MVK: variants seen among roughly 807,000 people sequenced by gnomAD.
MVK encodes mevalonate kinase, also known as LH receptor mRNA-binding protein.
MVK carries 34 observed loss-of-function variants against 43.2 expected under a neutral mutation model. The ratio of observed to expected loss-of-function variants is 0.79; its 90% confidence interval spans 0.60 to 1.05. The LOEUF (loss-of-function observed/expected upper bound fraction) is 1.05. Among genes scored for constraint, MVK ranks in the 50% least tolerant of loss-of-function variants. The probability of loss-of-function intolerance (pLI) is 0.00; values close to 1 mark genes in which losing one functional copy is unlikely to be tolerated. For synonymous variants in MVK, 190 were observed against 219.8 expected, an observed-to-expected ratio of 0.86 and a Z score of 1.20; for missense variants, 395 against 504.0, an observed-to-expected ratio of 0.78 and a Z score of 2.07.
Position 109,585,230 on chromosome 12 carries a change from C to T in MVK, c.528-792C>T, listed in dbSNP as rs886433925. ...TCCTGGGATTTGAATTCATAATGAT[C>T]GTGCTTTGGATCTACTTGCAGGGCC... On this transcript the variant is annotated intron_variant, in intron 5 of 10. Coordinates refer to ENST00000228510, the MANE Select transcript of MVK (RefSeq NM_000431.4). 7.2e-5 allele frequency among the ~76,000 whole-genome samples: 11 copies of T among 152,154 alleles called. No individual in the cohort carries two copies. In the South Asian group the frequency reaches 8.3e-4, roughly 11 times the overall value.
Position 109,590,841 on chromosome 12 carries a change from G to A in MVK, c.748G>A (p.Val250Ile), listed in dbSNP as rs104895339. ...CAATACCAGGGCCCTTGTGGCTGGC[G>A]TCAGAAACAGGCTGCTCAAGGTGAC... ...PRNTRALVAGVRNRLLKFPEI... is the reference protein window; with the variant it reads ...PRNTRALVAGIRNRLLKFPEI... Residue 250 changes from valine (V) to isoleucine (I), a missense_variant, in exon 8 of 11, where the codon GTC (valine) becomes ATC (isoleucine). Coordinates refer to ENST00000228510, the MANE Select transcript of MVK (RefSeq NM_000431.4). 1.3e-5 allele frequency: 21 copies of A among 1,614,046 alleles called. No homozygotes were observed. Among genetic ancestry groups the A allele is most frequent in the East Asian group, 4.5e-5 (2 of 44,896 alleles).
At position 109,595,713 on chromosome 12, in the gene MVK, G is replaced by T. The variant is rs1423246721; in HGVS notation, c.1039+532G>T. Reference sequence around the variant, plus strand: ...ACCTGACACCTACCTCTGCCCTCAGGCTCGCTCCTGGCCTACAGTAGGCAC... The same window carrying T: ...ACCTGACACCTACCTCTGCCCTCAGTCTCGCTCCTGGCCTACAGTAGGCAC... On this transcript the variant is annotated intron_variant, in intron 10 of 10. Transcript: ENST00000228510. This position sits in a 1 kb window ranked among gnomAD's most constrained non-coding sequence, Gnocchi z 5.9. Among the ~76,000 whole-genome samples, 2 of 152,122 alleles carry T rather than the reference G, an allele frequency of 1.3e-5. No homozygotes were observed. Among genetic ancestry groups the T allele is most frequent in the African/African-American group, 4.8e-5 (2 of 41,414 alleles).
intron 1 of MVK, among the ~76,000 whole-genome samples, chr12:109,574,288 G>A (rs1884817707): frequency 1.3e-5 from 2 of 152,196 alleles, no homozygotes; most frequent in Non-Finnish European, 2.9e-5. Flanking sequence ...GTTTTCTGCA[G>A]CCTTGTTTAT....
rs16940407 is a variant in MVK, at chr12:109,584,404, C to T, written c.528-1618C>T. On this transcript the variant is annotated intron_variant, in intron 5 of 10. Coordinates refer to ENST00000228510, the MANE Select transcript of MVK (RefSeq NM_000431.4). ...GGCCCCCAGGCGCTGTGACCCCAGA[C>T]GGCCTATTTTGAGGGGAGCACATCC... Among the ~76,000 whole-genome samples the T allele has an allele frequency of 6.2e-3, 949 of 152,308 alleles. 7 individuals carry two copies. Among genetic ancestry groups the T allele is most frequent in the African/African-American group, 0.022 (912 of 41,568 alleles).
At chr12:109,585,140 C>T (rs541972615) in intron 5 of MVK, among the ~76,000 whole-genome samples, 1 of 152,302 alleles carries the variant, frequency 6.6e-6, no homozygotes, top group South Asian at 2.1e-4. Flanking sequence ...GCAGTGAGGC[C>T]ACGTGCTTGG....
intron 4 of MVK, 73 bp from the exon 5 acceptor site, chr12:109,581,322 C>T: frequency 6.3e-7 from 1 of 1,598,128 alleles, no homozygotes; most frequent in Non-Finnish European, 8.6e-7. Context: ...AGGCCTGGGC[C>T]TGGCCCCTGG....
In MVK at chr12:109,580,921, C is replaced by T. The variant is rs533635367; in HGVS notation, c.372-474C>T. Among the ~76,000 whole-genome samples the T allele has an allele frequency of 2.0e-5, 3 of 151,954 alleles. No individual in the cohort carries two copies. The South Asian group carries it at 6.2e-4, about 32-fold the overall frequency. ...GAGGGAGGGAGGGCAGGCGGGGGTC[C>T]TAGAAGGGGAGCCAGGAGGGTCTTT... On this transcript the variant is annotated intron_variant, in intron 4 of 10. Coordinates refer to ENST00000228510, the MANE Select transcript of MVK (RefSeq NM_000431.4).
chr12:109,581,821 A>T (rs1885231182), intron 5 of MVK, among the ~76,000 whole-genome samples: 1 of 152,178 alleles, frequency 6.6e-6, no homozygotes, highest in Non-Finnish European at 1.5e-5. Context: ...GTTGGTTTCA[A>T]GCGCCCATGG....
rs1318060426 is a variant in MVK at position 109,596,701 on chromosome 12, C to T, written c.*124C>T. 2.0e-5 allele frequency: 27 copies of T among 1,380,058 alleles called. No individual in the cohort carries two copies. Among genetic ancestry groups the T allele is most frequent in the East Asian group, 2.5e-5 (1 of 40,216 alleles). 85.5% of individuals were successfully genotyped at this position (1,380,058 alleles called of 1,614,324 possible). On this transcript the variant is annotated 3_prime_UTR_variant, in exon 11 of 11. Coordinates refer to ENST00000228510, the MANE Select transcript of MVK (RefSeq NM_000431.4). ...CTGACACTGCTGGAGAGGCCCCAGC[C>T]GCTTGGCGATGCCAGCCAAGCTCTG...
chr12:109,573,725 G>T (rs1268294239), upstream of MVK: 3 of 578,292 alleles, frequency 5.2e-6, no homozygotes, highest in East Asian at 3.0e-5. Context: ...ATTGGTAAAG[G>T]TACTCCGGGC....
chr12:109,574,285 G>A (rs74630711), intron 1 of MVK, among the ~76,000 whole-genome samples: 1,819 of 152,262 alleles, frequency 0.012, 29 homozygotes, highest in African/African-American at 0.037. Context: ...GGTGTTTTCT[G>A]CAGCCTTGTT....
At position 109,596,513 on chromosome 12, in the gene MVK, G is replaced by A. The variant is rs104895340; in HGVS notation, c.1127G>A (p.Gly376Asp). 6.2e-7 allele frequency: 1 copy of A among 1,613,006 alleles called. No individual in the cohort carries two copies. The highest frequency in any genetic ancestry group is 8.5e-7 in the Non-Finnish European group (1 of 1,179,948). ...TTGGAAACCAGCATCGGTGCCCCCG[G>A]CGTCTCCATCCACTCAGCCACCTCC... ...DCLETSIGAP[G>D]VSIHSATSLD... Residue 376 changes from glycine (G) to aspartate (D), a missense_variant, in exon 11 of 11, where the codon GGC (glycine) becomes GAC (aspartate). Physicochemically the swap from Gly to Asp is moderately conservative, Grantham distance 94. Coordinates refer to ENST00000228510, the MANE Select transcript of MVK (RefSeq NM_000431.4).
chr12:109,591,340 C>T lies in MVK; in HGVS notation c.868C>T (p.Gln290Ter). Residue 290 changes from glutamine (Q) to a stop codon, truncating the protein, a stop_gained, in exon 9 of 11, where the codon CAG (glutamine) becomes TAG (stop). Coordinates refer to ENST00000228510, the MANE Select transcript of MVK (RefSeq NM_000431.4). LOFTEE classifies it high-confidence loss of function. ...GEMGEAPAPE[Q>*]YLVLEELIDM... ...GATGGGGGAAGCCCCAGCCCCGGAG[C>T]AGTACCTCGTGCTGGAAGTAAGAGC... The T allele has an allele frequency of 6.2e-7, 1 of 1,614,182 alleles. No individual in the cohort carries two copies. The highest frequency in any genetic ancestry group is 8.5e-7 in the Non-Finnish European group (1 of 1,180,014).
Position 109,581,494 on chromosome 12 carries a change from CCTGA to C in MVK, c.475_478del (p.Thr159CysfsTer9), listed in dbSNP as rs778082175. The C allele has an allele frequency of 6.2e-7, 1 of 1,614,216 alleles. No individual in the cohort carries two copies. The highest frequency in any genetic ancestry group is 1.1e-5 in the South Asian group (1 of 91,088). Reference sequence around the variant, plus strand: ...ACTCGGTGTGTCTGGCAGCAGCCCTCCTGACTGTGTGCGAGGAGATCCCAAACCC... The same window carrying C: ...ACTCGGTGTGTCTGGCAGCAGCCCTCCTGTGTGCGAGGAGATCCCAAACCC... On this transcript the variant is annotated frameshift_variant, in exon 5 of 11. Transcript: ENST00000228510. LOFTEE classifies it high-confidence loss of function.
At chr12:109,591,154 C>T (rs1242038877) in intron 8 of MVK, 87 bp from the exon 9 acceptor site, 4 of 1,294,292 alleles carry the variant, frequency 3.1e-6, no homozygotes, top group Non-Finnish European at 4.5e-6. Context: ...GTGTGAACAC[C>T]TCCTCCCTCC....
intron 7 of MVK, chr12:109,588,845 G>C (rs1885554510): frequency 6.6e-6 from 1 of 152,308 alleles, no homozygotes; most frequent in Admixed American, 6.5e-5. Flanking sequence ...GTCTGTGAGA[G>C]CATATCAGGC....
At position 109,581,511 on chromosome 12, in the gene MVK, A is replaced by T; in HGVS notation, c.488A>T (p.Glu163Val). 3 of 1,614,202 alleles carry T rather than the reference A, an allele frequency of 1.9e-6. No homozygotes were observed. The highest frequency in any genetic ancestry group is 2.5e-6 in the Non-Finnish European group (3 of 1,180,030). ...LAAALLTVCE[E>V]IPNPLKDGDC... The stretch of plus-strand genomic sequence containing the variant: ...GCAGCCCTCCTGACTGTGTGCGAGG[A>T]GATCCCAAACCCGCTGAAGGACGGG... The change falls in exon 5 of 11, where the codon GAG (glutamate) becomes GTG (valine). Residue 163 changes from glutamate to valine, a missense_variant. Physicochemically the swap from Glu to Val is moderately radical, Grantham distance 121. Coordinates refer to ENST00000228510, the MANE Select transcript of MVK (RefSeq NM_000431.4).
chr12:109,586,195 A>G (rs1029353828), intron 6 of MVK, 70 bp downstream of exon 6: 6 of 1,213,472 alleles, frequency 4.9e-6, no homozygotes, highest in Non-Finnish European at 7.2e-6. Context: ...TAGGTGCCCA[A>G]GAGTCTGTGC....
At chr12:109,580,879 G>T (rs972982978) in intron 4 of MVK, among the ~76,000 whole-genome samples, 1 of 152,138 alleles carries the variant, frequency 6.6e-6, no homozygotes, top group African/African-American at 2.4e-5. Context: ...CTAGTGTGCG[G>T]TGGTGAGGCA....
Sources: gnomAD v4.1 joint callset for allele counts (sites outside exome capture counted in the v4.1 genomes callset) on GRCh38, gnomAD v4.1.1 for gene constraint, Gnocchi (gnomAD v3.1) non-coding constraint, MANE v1.5 for transcripts, NCBI Gene and HGNC (gene_info 2026-07-23, HGNC 2026-07-21) for gene names.